Variants in ITGA9 observed in about 807,000 individuals in gnomAD.
ITGA9 encodes integrin alpha-9.
Under a neutral mutation model 127.8 loss-of-function variants are expected in ITGA9, and 56 were observed. The ratio of observed to expected loss-of-function variants is 0.44; its 90% CI spans 0.35 to 0.55. ITGA9 has a LOEUF of 0.55. ITGA9 is among the 20% of genes least tolerant of loss of function. ITGA9 has a pLI of 0.00. For missense variants in ITGA9, 1,196 were observed against 1,347.1 expected (o/e 0.89, Z 1.76); for synonymous variants, 508 against 514.5 (o/e 0.99, Z 0.17).
At chr3:37,735,121 T>A (rs768147082) in intron 19 of ITGA9, among the ~76,000 whole-genome samples, 2 of 152,238 alleles carry the variant, frequency 1.3e-5, no homozygotes, top group African/African-American at 2.4e-5. Flanking sequence ...TTTCTCTCTC[T>A]CACAGCCTGC....
intron 17 of ITGA9, among the ~76,000 whole-genome samples, chr3:37,682,095 C>T (rs1231339142): frequency 1.3e-5 from 2 of 152,112 alleles, no homozygotes; most frequent in African/African-American, 4.8e-5. Flanking sequence ...ATGATAATTC[C>T]CATCTTAATA....
chr3:37,589,886 A>G (rs1160146374), intron 15 of ITGA9, among the ~76,000 whole-genome samples: 1 of 152,130 alleles, frequency 6.6e-6, no homozygotes, highest in African/African-American at 2.4e-5. Context: ...GGGACAAATG[A>G]CATGACCTTC....
intron 20 of ITGA9, among the ~76,000 whole-genome samples, chr3:37,737,403 A>G (rs535962073): frequency 6.6e-6 from 1 of 152,316 alleles, no homozygotes; most frequent in South Asian, 2.1e-4. Context: ...TGGGCAGGTC[A>G]CCTGCAGCCT....
intron 15 of ITGA9, among the ~76,000 whole-genome samples, chr3:37,618,483 C>G (rs2125629950): frequency 6.6e-6 from 1 of 152,362 alleles, no homozygotes; most frequent in East Asian, 1.9e-4. Flanking sequence ...CTACTCTCTT[C>G]AAAGCTGTCA....
At chr3:37,730,448 A>G (rs902688386) in intron 18 of ITGA9, among the ~76,000 whole-genome samples, 4 of 152,030 alleles carry the variant, frequency 2.6e-5, no homozygotes, top group Non-Finnish European at 5.9e-5. Flanking sequence ...AGTTCTTGAG[A>G]CAGCATTTGA....
chr3:37,526,653 C>T (rs1224015477), intron 13 of ITGA9, among the ~76,000 whole-genome samples: 3 of 152,194 alleles, frequency 2.0e-5, no homozygotes, highest in Non-Finnish European at 4.4e-5. Context: ...GCCAGTGGGC[C>T]GCCGCCACCA....
At chr3:37,536,595 A>C (rs762808387) in intron 14 of ITGA9, among the ~76,000 whole-genome samples, 1 of 152,216 alleles carries the variant, frequency 6.6e-6, no homozygotes, top group African/African-American at 2.4e-5. Flanking sequence ...CTATGTACAG[A>C]GAAGGGACAC....
intron 18 of ITGA9, among the ~76,000 whole-genome samples, chr3:37,699,489 G>A (rs1700923203): frequency 6.6e-6 from 1 of 152,156 alleles, no homozygotes; most frequent in Admixed American, 6.5e-5. Context: ...AATCCAGCCA[G>A]TTCTCACCAT....
chr3:37,726,078 T>C (rs1474688625), intron 18 of ITGA9, among the ~76,000 whole-genome samples: 1 of 152,264 alleles, frequency 6.6e-6, no homozygotes, highest in Non-Finnish European at 1.5e-5. Flanking sequence ...GAATGTTTTC[T>C]GTTAACTCAT....
intron 15 of ITGA9, among the ~76,000 whole-genome samples, chr3:37,557,275 C>T (rs1013536928): frequency 2.6e-5 from 4 of 152,176 alleles, no homozygotes; most frequent in South Asian, 2.1e-4. Context: ...AAAATGGTGG[C>T]CTCCTATATT....
chr3:37,653,792 T>A lies in ITGA9; in HGVS notation c.1916+2T>A. The A allele has an allele frequency of 6.2e-7, 1 of 1,610,268 alleles. No homozygotes were observed. Among genetic ancestry groups the A allele is most frequent in the East Asian group, 2.2e-5 (1 of 44,860 alleles). ...TCAGGGTAAACTGCTGCTCTCCAGG[T>A]ATGTCGGTGTTTCCTTCAGAGCATT... On this transcript the variant is annotated splice_donor_variant, in intron 17 of 27. Coordinates refer to ENST00000264741, the MANE Select transcript of ITGA9 (RefSeq NM_002207.3). LOFTEE classifies it high-confidence loss of function.
At position 37,818,577 on chromosome 3, in the gene ITGA9, T is replaced by A. The variant is rs565195057; in HGVS notation, c.3010-314T>A. Reference sequence around the variant, plus strand: ...TGCGCCCAGCCATGAAACCTTTTTTTACTCCCAAACACCTTTGAACAGCTC... The same window carrying A: ...TGCGCCCAGCCATGAAACCTTTTTTAACTCCCAAACACCTTTGAACAGCTC... On this transcript the variant is annotated intron_variant, in intron 27 of 27. Coordinates refer to ENST00000264741, the MANE Select transcript of ITGA9 (RefSeq NM_002207.3). 1,003 of 366,788 alleles carry A rather than the reference T, an allele frequency of 2.7e-3. 16 individuals are homozygous for A. The highest frequency in any genetic ancestry group is 0.021 in the South Asian group (819 of 38,114). 22.7% of individuals were successfully genotyped at this position (366,788 alleles called of 1,614,324 possible).
At chr3:37,663,213 C>G (rs1700554833) in intron 17 of ITGA9, among the ~76,000 whole-genome samples, 1 of 152,086 alleles carries the variant, frequency 6.6e-6, no homozygotes, top group African/African-American at 2.4e-5. Flanking sequence ...TATGTTTTGT[C>G]TTTTTGAATA....
At chr3:37,476,001 T>G (rs556684280) in intron 3 of ITGA9, among the ~76,000 whole-genome samples, 1 of 152,360 alleles carries the variant, frequency 6.6e-6, no homozygotes, top group East Asian at 1.9e-4. Context: ...TCAAGGTTCA[T>G]CATGTTGTAG....
At chr3:37,467,335 T>G (rs1320333235) in intron 1 of ITGA9, among the ~76,000 whole-genome samples, 1 of 152,222 alleles carries the variant, frequency 6.6e-6, no homozygotes, top group Non-Finnish European at 1.5e-5. Context: ...GCTATTGTTG[T>G]TAGAACCATT....
chr3:37,614,171 C>T (rs1700051414), intron 15 of ITGA9, among the ~76,000 whole-genome samples: 1 of 152,034 alleles, frequency 6.6e-6, no homozygotes, highest in Admixed American at 6.6e-5. Context: ...CCAGTTTCAG[C>T]TTTCTACATA....
At chr3:37,607,263 A>G (rs1296337548) in intron 15 of ITGA9, among the ~76,000 whole-genome samples, 1 of 152,112 alleles carries the variant, frequency 6.6e-6, no homozygotes, top group African/African-American at 2.4e-5. Context: ...GGATGAGCTA[A>G]TACATCCATC....
intron 18 of ITGA9, among the ~76,000 whole-genome samples, chr3:37,701,801 T>C (rs1319717879): frequency 6.6e-6 from 1 of 152,208 alleles, no homozygotes; most frequent in Non-Finnish European, 1.5e-5. Context: ...CTTCTCTTTT[T>C]CACTCACTCT....
At chr3:37,491,769 A>G (rs1698676369) in intron 4 of ITGA9, among the ~76,000 whole-genome samples, 1 of 152,256 alleles carries the variant, frequency 6.6e-6, no homozygotes, top group African/African-American at 2.4e-5. Flanking sequence ...AGATACGAGT[A>G]TGGTAGAATA....
Sources: allele counts gnomAD v4.1 joint callset (sites outside exome capture counted in the v4.1 genomes callset), GRCh38; gene constraint gnomAD v4.1.1; transcripts MANE v1.5; gene names NCBI Gene and HGNC (gene_info 2026-07-23, HGNC 2026-07-21).